ALKBH1: variants seen among roughly 807,000 people sequenced by gnomAD.
ALKBH1 encodes the protein alkB homolog 1, histone H2A dioxygenase.
Under a neutral mutation model 36.6 loss-of-function variants are expected in ALKBH1, and 31 were observed. The observed-to-expected ratio is 0.85, with a 90% CI of 0.64 to 1.14. The LOEUF is 1.14. Among genes scored for constraint, ALKBH1 ranks in the 50% most tolerant of loss-of-function variants. The pLI, the probability that ALKBH1 is intolerant of heterozygous loss-of-function variation, is 0.00. For missense variants in ALKBH1, 490 were observed against 497.3 expected (o/e 0.99, Z 0.14); for synonymous variants, 183 against 186.6 (o/e 0.98, Z 0.16).
In ALKBH1 at chr14:77,679,868, A is replaced by C; in HGVS notation, c.546+12T>G. 6.2e-7 allele frequency: 1 copy of C among 1,608,094 alleles called. No individual in the cohort carries two copies. The highest frequency in any genetic ancestry group is 8.5e-7 in the Non-Finnish European group (1 of 1,175,364). The stretch of plus-strand genomic sequence containing the variant: ...TAAACAGAAAACAAAAGAATTAAGA[A>C]AACCTGAATACCTTACTGTCCCAGT... On this transcript the variant is annotated intron_variant, in intron 4 of 5. Coordinates refer to ENST00000216489, the MANE Select transcript of ALKBH1 (RefSeq NM_006020.3).
chr14:77,690,862 C>T (rs1022062819), intron 3 of ALKBH1, among the ~76,000 whole-genome samples: 4 of 151,488 alleles, frequency 2.6e-5, no homozygotes, highest in African/African-American at 9.7e-5. Context: ...AGTGCAATGG[C>T]GTGATCTCGG....
At chr14:77,678,087 C>CAAAAAAAAAAAAAAAAAAAAAAA (rs11440428) in intron 4 of ALKBH1, among the ~76,000 whole-genome samples, 2 of 55,082 alleles carry the variant, frequency 3.6e-5, no homozygotes, top group African/African-American at 7.5e-5. Flanking sequence ...ATATTATCAC[C>CAAAAAAAAAAAAAAAAAAAAAAA]AAAAAAAAAA....
Position 77,707,877 on chromosome 14 carries a change from A to AC in ALKBH1, c.127dup (p.Val43GlyfsTer32). On this transcript the variant is annotated frameshift_variant, in exon 1 of 6. Transcript: ENST00000216489. LOFTEE classifies it high-confidence loss of function. ...TGCGTGGGCCGCCGAGAAGTCGATGACCCCTTCCAGGTCTGCGGTCCCGGG... is the reference window on the plus strand; with the variant it reads ...TGCGTGGGCCGCCGAGAAGTCGATGACCCCCTTCCAGGTCTGCGGTCCCGGG... The AC allele has an allele frequency of 6.2e-7, 1 of 1,612,788 alleles. No homozygotes were observed. Among genetic ancestry groups the AC allele is most frequent in the Non-Finnish European group, 8.5e-7 (1 of 1,179,672 alleles).
chr14:77,676,477 C>T (rs1005784653), intron 4 of ALKBH1, among the ~76,000 whole-genome samples: 7 of 152,006 alleles, frequency 4.6e-5, no homozygotes, highest in East Asian at 1.9e-4. Flanking sequence ...AACTCAAAAC[C>T]GTCATTGCCA....
intron 1 of ALKBH1, among the ~76,000 whole-genome samples, chr14:77,705,793 A>T (rs933359706): frequency 5.9e-5 from 9 of 152,124 alleles, no homozygotes; most frequent in Non-Finnish European, 1.3e-4. Flanking sequence ...GGTGGCTCAC[A>T]CCTGTAATTC....
chr14:77,691,925 G>C (rs1002430659), intron 3 of ALKBH1: 3 of 152,128 alleles, frequency 2.0e-5, no homozygotes, highest in African/African-American at 7.2e-5. Flanking sequence ...TTGCGAAGAA[G>C]ACACTACTAA....
intron 3 of ALKBH1, among the ~76,000 whole-genome samples, chr14:77,694,342 G>C (rs2080315286): frequency 6.6e-6 from 1 of 152,136 alleles, no homozygotes; most frequent in Non-Finnish European, 1.5e-5. Context: ...AAAACGGCTA[G>C]TACCACTGAA....
chr14:77,679,022 C>T (rs1364833021), intron 4 of ALKBH1, among the ~76,000 whole-genome samples: 1 of 151,926 alleles, frequency 6.6e-6, no homozygotes, highest in Non-Finnish European at 1.5e-5. Context: ...CACTATGTTG[C>T]CCCAGGCTGC....
chr14:77,700,123 T>A (rs2080351596), intron 2 of ALKBH1, among the ~76,000 whole-genome samples: 1 of 152,026 alleles, frequency 6.6e-6, no homozygotes, highest in South Asian at 2.1e-4. Flanking sequence ...CTCTGAACAA[T>A]ATCATCAATG....
chr14:77,693,157 G>C (rs1269226739), intron 3 of ALKBH1, among the ~76,000 whole-genome samples: 2 of 147,190 alleles, frequency 1.4e-5, no homozygotes, highest in Non-Finnish European at 3.0e-5. Flanking sequence ...AGTGGGCCAA[G>C]ATCATGCCAT....
At chr14:77,694,563 C>A (rs1023044543) in intron 3 of ALKBH1, among the ~76,000 whole-genome samples, 175 bp downstream of exon 3, 11 of 152,148 alleles carry the variant, frequency 7.2e-5, no homozygotes, top group African/African-American at 2.4e-4. Context: ...GTCAAAGCAT[C>A]TGTCCAAATG....
chr14:77,678,246 A>C (rs747179704), intron 4 of ALKBH1, among the ~76,000 whole-genome samples: 3 of 152,120 alleles, frequency 2.0e-5, no homozygotes, highest in Non-Finnish European at 4.4e-5. Context: ...GGAAGGATTC[A>C]AACTCAGGCT....
Position 77,674,209 on chromosome 14 carries a change from C to A in ALKBH1, c.773G>T (p.Gly258Val). The A allele has an allele frequency of 6.2e-7, 1 of 1,610,672 alleles. No homozygotes were observed. Among genetic ancestry groups the A allele is most frequent in the African/African-American group, 1.3e-5 (1 of 74,940 alleles). Residue 258 changes from glycine to valine, a missense_variant, in exon 6 of 6, where the codon GGT becomes GTT. Coordinates refer to ENST00000216489, the MANE Select transcript of ALKBH1 (RefSeq NM_006020.3). ...FGQSAIFLLGGLQRDEAPTAM... is the reference protein window; with the variant it reads ...FGQSAIFLLGVLQRDEAPTAM... ...CGTGGGGGCCTCATCCCTTTGAAGACCACCCAGGAGAAAGATGGCGGACTG... is the reference window on the plus strand; with the variant it reads ...CGTGGGGGCCTCATCCCTTTGAAGAACACCCAGGAGAAAGATGGCGGACTG...
At chr14:77,683,603 GCT>G in intron 3 of ALKBH1, 4 of 394,640 alleles carry the variant, frequency 1.0e-5, no homozygotes, top group South Asian at 9.8e-5. Context: ...ATGCAGTCTT[GCT>G]CTGTCACCTA....
At chr14:77,691,697 G>C (rs1228880435) in intron 3 of ALKBH1, 3 of 151,874 alleles carry the variant, frequency 2.0e-5, no homozygotes, top group Non-Finnish European at 4.4e-5. Context: ...TTTTATTTCT[G>C]CTAATTTATT....
chr14:77,701,207 G>C (rs1408160249), intron 2 of ALKBH1, among the ~76,000 whole-genome samples: 1 of 152,092 alleles, frequency 6.6e-6, no homozygotes, highest in Non-Finnish European at 1.5e-5. Flanking sequence ...CTGACACCTA[G>C]AGCAACCCCA....
In ALKBH1 at chr14:77,673,837, C is replaced by T. The variant is rs771224500; in HGVS notation, c.1145G>A (p.Arg382Gln). 19 of 1,613,670 alleles carry T rather than the reference C, an allele frequency of 1.2e-5. No individual in the cohort carries two copies. The highest frequency in any genetic ancestry group is 2.7e-5 in the African/African-American group (2 of 74,858). ...TCAGCTGTCAGGGTTTATCCTGGCCCGTTTTACTTCGCTATTCTGGTCATC... is the reference window on the plus strand; with the variant it reads ...TCAGCTGTCAGGGTTTATCCTGGCCTGTTTTACTTCGCTATTCTGGTCATC... ...HLDDQNSEVK[R>Q]ARINPDS The change falls in exon 6 of 6, where the codon CGG (arginine) becomes CAG (glutamine). Residue 382 changes from arginine to glutamine, a missense_variant. Arg to Gln is a conservative substitution (Grantham distance 43, BLOSUM62 1). Transcript: ENST00000216489.
rs199543864 is a variant in ALKBH1 at position 77,674,198 on chromosome 14, C to A, written c.784G>T (p.Asp262Tyr). The change falls in exon 6 of 6, where the codon GAT becomes TAT. Residue 262 changes from aspartate to tyrosine, a missense_variant. Physicochemically the swap from Asp to Tyr is radical, Grantham distance 160 (BLOSUM62 -3). Transcript: ENST00000216489. The part of the protein sequence containing the change: ...AIFLLGGLQR[D>Y]EAPTAMFMHS... The stretch of plus-strand genomic sequence containing the variant: ...ATAAACATGGCCGTGGGGGCCTCAT[C>A]CCTTTGAAGACCACCCAGGAGAAAG... 12 of 1,612,882 alleles carry A rather than the reference C, an allele frequency of 7.4e-6. No homozygotes were observed. In the African/African-American group the frequency reaches 1.3e-4, roughly 18 times the overall value.
intron 2 of ALKBH1, among the ~76,000 whole-genome samples, chr14:77,703,300 T>TC: frequency 6.6e-6 from 1 of 150,830 alleles, no homozygotes; most frequent in African/African-American, 2.4e-5. Flanking sequence ...GGACTTTCTT[T>TC]TTTTTTTTTT....
Sources: gnomAD v4.1 joint callset for allele counts (sites outside exome capture counted in the v4.1 genomes callset) on GRCh38, gnomAD v4.1.1 for gene constraint, MANE v1.5 for transcripts, NCBI Gene and HGNC (gene_info 2026-07-23, HGNC 2026-07-21) for gene names.